TRIP12: variants seen among roughly 807,000 people sequenced by gnomAD.
TRIP12 encodes the protein thyroid hormone receptor interactor 12.
Under a neutral mutation model 244.2 loss-of-function variants are expected in TRIP12, and 25 were observed. That is an observed-to-expected ratio of 0.10 (90% confidence interval 0.07 to 0.14). TRIP12 has a LOEUF of 0.14. Ranked by LOEUF, TRIP12 falls within the 10% of genes least tolerant of loss-of-function variation. The probability of loss-of-function intolerance (pLI) is 1.00; values close to 1 mark genes in which losing one functional copy is unlikely to be tolerated. For missense variants in TRIP12, 1,677 were observed against 2,486.4 expected (o/e 0.67, Z 6.92); for synonymous variants, 905 against 873.1 (o/e 1.04, Z -0.64).
intron 38 of TRIP12, 129 bp downstream of exon 38, chr2:229,773,968 C>T (rs2035407337): frequency 1.1e-6 from 1 of 878,238 alleles, no homozygotes; most frequent in East Asian, 2.5e-5. Flanking sequence ...TGTAAAGCAG[C>T]CTTCATGCAG....
chr2:229,836,729 T>C, intron 6 of TRIP12, 119 bp downstream of exon 6: 1 of 1,248,740 alleles, frequency 8.0e-7, no homozygotes, highest in Non-Finnish European at 1.1e-6. Context: ...ACTGGTAAAG[T>C]AAAACAAAAC....
intron 1 of TRIP12, among the ~76,000 whole-genome samples, chr2:229,897,699 A>T (rs2069279580): frequency 1.3e-5 from 2 of 152,238 alleles, no homozygotes; most frequent in Admixed American, 1.3e-4. Context: ...TTCTTGCCTT[A>T]AAGTTCTCTA....
intron 8 of TRIP12, 50 bp downstream of exon 8, chr2:229,829,143 G>C: frequency 6.6e-7 from 1 of 1,517,658 alleles, no homozygotes; most frequent in Non-Finnish European, 9.1e-7. Flanking sequence ...AGTAACAATA[G>C]CAGTTGGCTA....
intron 23 of TRIP12, among the ~76,000 whole-genome samples, chr2:229,798,506 C>T (rs2043380458): frequency 6.7e-6 from 1 of 149,710 alleles, no homozygotes; most frequent in African/African-American, 2.4e-5. Flanking sequence ...CCTGAAGTTC[C>T]ATTGTAATGG....
intron 1 of TRIP12, among the ~76,000 whole-genome samples, chr2:229,884,578 G>T (rs898701560): frequency 1.3e-5 from 2 of 151,806 alleles, no homozygotes; most frequent in Non-Finnish European, 2.9e-5. Flanking sequence ...AATATCATAC[G>T]CACACAAAGA....
At chr2:229,828,804 C>A (rs2052487506) in intron 8 of TRIP12, among the ~76,000 whole-genome samples, 2 of 151,916 alleles carry the variant, frequency 1.3e-5, no homozygotes, top group South Asian at 4.2e-4. Flanking sequence ...CACATGAAAA[C>A]CAACATCCTT....
intron 18 of TRIP12, 77 bp downstream of exon 18, chr2:229,805,653 A>G: frequency 7.5e-7 from 1 of 1,335,168 alleles, no homozygotes; most frequent in Admixed American, 2.3e-5. Flanking sequence ...ATACTTAATA[A>G]GCCAATTATT....
At chr2:229,837,886 T>C (rs1204275198) in intron 5 of TRIP12, among the ~76,000 whole-genome samples, 2 of 152,230 alleles carry the variant, frequency 1.3e-5, no homozygotes, top group Admixed American at 6.5e-5. Context: ...ATTTCTCCTA[T>C]AGAAAATTAC....
intron 9 of TRIP12, among the ~76,000 whole-genome samples, chr2:229,816,954 C>T (rs2048660743): frequency 6.6e-6 from 1 of 152,140 alleles, no homozygotes; most frequent in Admixed American, 6.5e-5. Flanking sequence ...CAGAAAGCAA[C>T]ATGTACAACT....
chr2:229,862,029 TTG>T (rs2060557900), intron 2 of TRIP12, among the ~76,000 whole-genome samples: 1 of 152,116 alleles, frequency 6.6e-6, no homozygotes, highest in Non-Finnish European at 1.5e-5. Context: ...TTTTTATACA[TTG>T]TGTTTTTGTT....
At chr2:229,769,426 G>A in intron 39 of TRIP12, 101 bp from the exon 40 acceptor site, 1 of 777,748 alleles carries the variant, frequency 1.3e-6, no homozygotes, top group Non-Finnish European at 1.9e-6. Context: ...ATCAGTCTCA[G>A]TACTAAAACC....
intron 2 of TRIP12, among the ~76,000 whole-genome samples, chr2:229,877,087 T>C (rs2063734689): frequency 6.6e-6 from 1 of 151,788 alleles, no homozygotes; most frequent in Admixed American, 6.5e-5. Flanking sequence ...TCACAATTAC[T>C]TTTGCATCAA....
intron 1 of TRIP12, among the ~76,000 whole-genome samples, chr2:229,918,183 A>C (rs1282041455): frequency 6.6e-6 from 1 of 152,202 alleles, no homozygotes. Context: ...ATGAGTTGTA[A>C]GTTGTTCTTC....
intron 4 of TRIP12, among the ~76,000 whole-genome samples, chr2:229,843,069 A>C (rs525333): frequency 0.97 from 133,752 of 137,898 alleles, 64,917 homozygotes; most frequent in Middle Eastern, 1. Flanking sequence ...TCTCTCCCCC[A>C]CTCCTTCCCT....
At chr2:229,880,191 G>T in intron 1 of TRIP12, 63 bp from the exon 2 acceptor site, 1 of 1,031,554 alleles carries the variant, frequency 9.7e-7, no homozygotes, top group South Asian at 1.6e-5. Flanking sequence ...GAAAAGAAAT[G>T]AGGGGAACTT....
intron 38 of TRIP12, among the ~76,000 whole-genome samples, chr2:229,772,866 T>C (rs976670676): frequency 2.0e-5 from 3 of 152,082 alleles, no homozygotes; most frequent in African/African-American, 7.2e-5. Flanking sequence ...CAAAGCAAGT[T>C]AGTGGAAAGG....
At chr2:229,871,397 T>C (rs147033112) in intron 2 of TRIP12, among the ~76,000 whole-genome samples, 4 of 152,302 alleles carry the variant, frequency 2.6e-5, no homozygotes, top group South Asian at 2.1e-4. Flanking sequence ...TGGGAGGTGT[T>C]TGAATCACTG....
At chr2:229,885,390 A>G (rs1400131491) in intron 1 of TRIP12, among the ~76,000 whole-genome samples, 1 of 152,320 alleles carries the variant, frequency 6.6e-6, no homozygotes. Context: ...CATATAAACC[A>G]TTGCCCATTA....
chr2:229,813,237 G>A (rs975454314), intron 13 of TRIP12, among the ~76,000 whole-genome samples: 1 of 152,128 alleles, frequency 6.6e-6, no homozygotes, highest in Non-Finnish European at 1.5e-5. Context: ...TCAAGAAAGA[G>A]TAATCTTTTC....
Sources: gnomAD v4.1 joint callset for allele counts (sites outside exome capture counted in the v4.1 genomes callset) on GRCh38, gnomAD v4.1.1 for gene constraint, MANE v1.5 for transcripts, NCBI Gene and HGNC (gene_info 2026-07-23, HGNC 2026-07-21) for gene names.